Variants in PLA2G7 observed in about 807,000 individuals in gnomAD.
PLA2G7 encodes the protein platelet-activating factor acetylhydrolase.
In PLA2G7, 63 loss-of-function variants were observed where a neutral mutation model predicts 49.6. That is an observed-to-expected ratio of 1.27 (90% CI 1.04 to 1.57). The LOEUF is 1.57. Ranked by LOEUF, PLA2G7 falls within the 40% of genes most tolerant of loss-of-function variation. The pLI is 0.00. For missense variants in PLA2G7, 596 were observed against 521.2 expected, an observed-to-expected ratio of 1.14 and a Z score of -1.40; for synonymous variants, 193 against 169.9, an observed-to-expected ratio of 1.14 and a Z score of -1.06.
intron 2 of PLA2G7, among the ~76,000 whole-genome samples, chr6:46,722,510 G>A (rs1463087763): frequency 2.6e-5 from 4 of 152,132 alleles, no homozygotes; most frequent in South Asian, 2.1e-4. Flanking sequence ...GAGGTTCTCC[G>A]TGGTGATTGC....
chr6:46,707,484 C>T (rs1178844212), intron 10 of PLA2G7, among the ~76,000 whole-genome samples: 1 of 152,118 alleles, frequency 6.6e-6, no homozygotes, highest in East Asian at 1.9e-4. Flanking sequence ...GGTTTCACAC[C>T]ATCCCCCTTG....
intron 5 of PLA2G7, among the ~76,000 whole-genome samples, chr6:46,713,707 T>A (rs973599646): frequency 2.0e-5 from 3 of 152,150 alleles, no homozygotes; most frequent in African/African-American, 7.2e-5. Context: ...TGGAAGAAAG[T>A]GAAGAGGGTG....
intron 1 of PLA2G7, among the ~76,000 whole-genome samples, chr6:46,731,594 A>T (rs913376080): frequency 1.3e-5 from 2 of 152,194 alleles, no homozygotes; most frequent in African/African-American, 4.8e-5. Context: ...AAGAGTTTCC[A>T]GTTCTCCGAA....
chr6:46,731,046 G>A (rs1243663617), intron 1 of PLA2G7, among the ~76,000 whole-genome samples: 2 of 152,190 alleles, frequency 1.3e-5, no homozygotes, highest in East Asian at 3.8e-4. Flanking sequence ...CATTTCTGCT[G>A]CCCACAATAC....
At chr6:46,730,944 C>T (rs1272272758) in intron 1 of PLA2G7, among the ~76,000 whole-genome samples, 1 of 152,176 alleles carries the variant, frequency 6.6e-6, no homozygotes, top group Non-Finnish European at 1.5e-5. Context: ...AGACTAGCCA[C>T]TTCAAGCTGA....
chr6:46,712,514 T>C (rs1765061811), intron 5 of PLA2G7, among the ~76,000 whole-genome samples, 177 bp from the exon 6 acceptor site: 3 of 152,122 alleles, frequency 2.0e-5, no homozygotes, highest in African/African-American at 4.8e-5. Context: ...TATTTGACAA[T>C]GTCTGGAGGT....
chr6:46,730,869 T>C (rs760385934), intron 1 of PLA2G7, among the ~76,000 whole-genome samples: 1 of 152,158 alleles, frequency 6.6e-6, no homozygotes, highest in Non-Finnish European at 1.5e-5. Context: ...GTGGTTGATA[T>C]GGCAAGAGAT....
At chr6:46,726,656 T>C (rs558815343) in intron 1 of PLA2G7, among the ~76,000 whole-genome samples, 1 of 152,200 alleles carries the variant, frequency 6.6e-6, no homozygotes, top group African/African-American at 2.4e-5. Flanking sequence ...ACAAACTTTT[T>C]TTTTTTGGAG....
chr6:46,714,483 A>G lies in PLA2G7; in HGVS notation c.447T>C (p.Phe149=). The G allele has an allele frequency of 6.2e-7, 1 of 1,612,458 alleles. No individual in the cohort carries two copies. Among genetic ancestry groups the G allele is most frequent in the Non-Finnish European group, 8.5e-7 (1 of 1,178,604 alleles). ...ACCTGAATGCCCCAAGACCATGAGA[A>G]AAAACAACAAGTGGATATTTTTCAC... The part of the protein sequence containing the change: ...RPGEKYPLVV[F]SHGLGAFRTL... Residue 149 remains phenylalanine, a synonymous_variant, in exon 5 of 12, where the codon TTT becomes TTC. Coordinates refer to ENST00000274793, the MANE Select transcript of PLA2G7 (RefSeq NM_005084.4).
intron 10 of PLA2G7, among the ~76,000 whole-genome samples, chr6:46,706,428 G>A (rs928328438): frequency 3.9e-4 from 59 of 152,194 alleles, no homozygotes; most frequent in African/African-American, 1.3e-3. Context: ...CAGAGGAGAA[G>A]AAATGGAAGG....
intron 1 of PLA2G7, among the ~76,000 whole-genome samples, chr6:46,733,282 A>G (rs949813862): frequency 7.2e-5 from 11 of 152,214 alleles, no homozygotes; most frequent in Admixed American, 1.3e-4. Flanking sequence ...CAGAGACACA[A>G]TGGAGAGGAA....
At chr6:46,709,741 T>C (rs1037986811) in intron 8 of PLA2G7, among the ~76,000 whole-genome samples, 2 of 152,222 alleles carry the variant, frequency 1.3e-5, no homozygotes, top group African/African-American at 2.4e-5. Flanking sequence ...TATTTGTTTG[T>C]TCATTCCATG....
chr6:46,704,278 A>G lies in PLA2G7; in HGVS notation c.*282T>C. 1 of 326,140 alleles carries G rather than the reference A, an allele frequency of 3.1e-6. No individual in the cohort carries two copies. Among genetic ancestry groups the G allele is most frequent in the Non-Finnish European group, 5.7e-6 (1 of 174,292 alleles). 20.2% of individuals were successfully genotyped at this position (326,140 alleles called of 1,614,324 possible). On this transcript the variant is annotated 3_prime_UTR_variant, in exon 12 of 12. Coordinates refer to ENST00000274793, the MANE Select transcript of PLA2G7 (RefSeq NM_005084.4). The stretch of plus-strand genomic sequence containing the variant: ...AAAACAGTTTTTAACTTCGACACTG[A>G]AAAGGAATCATCTTTAAAATTAAAA...
chr6:46,734,449 A>T (rs1324719131), intron 1 of PLA2G7, among the ~76,000 whole-genome samples: 5,798 of 90,394 alleles, frequency 0.064, 990 homozygotes, highest in African/African-American at 0.19. Context: ...AGAGAGAGAG[A>T]GAGAGAGAGA....
At chr6:46,709,231 C>T in intron 9 of PLA2G7, 96 bp downstream of exon 9, 1 of 768,566 alleles carries the variant, frequency 1.3e-6, no homozygotes, top group Non-Finnish European at 2.3e-6. Flanking sequence ...CAAGAGATCC[C>T]TTCTTCACTA....
intron 9 of PLA2G7, among the ~76,000 whole-genome samples, chr6:46,708,684 G>C (rs1211723094): frequency 1.3e-5 from 2 of 152,142 alleles, no homozygotes; most frequent in Non-Finnish European, 2.9e-5. Context: ...TTAAAAGTAA[G>C]TTTATCCTAT....
Position 46,722,881 on chromosome 6 carries a change from G to A in PLA2G7, c.11C>T (p.Pro4Leu). Residue 4 changes from proline (P) to leucine (L), a missense_variant, in exon 2 of 12, where the codon CCC becomes CTC. Coordinates refer to ENST00000274793, the MANE Select transcript of PLA2G7 (RefSeq NM_005084.4). MVP[P>L]KLHVLFCLCG... ...GAGGCAGAAAAGCACATGCAATTTGGGTGGCACCATCTTGGGAGCTGAGCA... is the reference window on the plus strand; with the variant it reads ...GAGGCAGAAAAGCACATGCAATTTGAGTGGCACCATCTTGGGAGCTGAGCA... 1.2e-6 allele frequency: 2 copies of A among 1,611,036 alleles called. No individual in the cohort carries two copies. The highest frequency in any genetic ancestry group is 1.7e-6 in the Non-Finnish European group (2 of 1,177,438).
At chr6:46,721,770 TAAGATATAA>T (rs1765410380) in intron 2 of PLA2G7, among the ~76,000 whole-genome samples, 1 of 151,956 alleles carries the variant, frequency 6.6e-6, no homozygotes, top group African/African-American at 2.4e-5. Flanking sequence ...AATGTAGATA[TAAGATATAA>T]AACCTCTCCT....
chr6:46,708,504 C>T (rs565287167), intron 9 of PLA2G7, among the ~76,000 whole-genome samples: 5 of 151,974 alleles, frequency 3.3e-5, no homozygotes, highest in Non-Finnish European at 5.9e-5. Flanking sequence ...AATAAATACA[C>T]CTTTGTTTTC....
Sources: allele counts gnomAD v4.1 joint callset (sites outside exome capture counted in the v4.1 genomes callset), GRCh38; gene constraint gnomAD v4.1.1; transcripts MANE v1.5; gene names NCBI Gene and HGNC (gene_info 2026-07-23, HGNC 2026-07-21).